The following PLCG2 variants were observed in gnomAD, a reference collection of about 807,000 sequenced individuals.
PLCG2 encodes 1-phosphatidylinositol 4,5-bisphosphate phosphodiesterase gamma-2.
A neutral mutation model predicts 175.6 loss-of-function variants in PLCG2; 69 were observed. The ratio of observed to expected loss-of-function variants is 0.39; its 90% confidence interval spans 0.32 to 0.48. PLCG2 has a LOEUF of 0.48. Ranked by LOEUF, PLCG2 falls within the 20% of genes least tolerant of loss-of-function variation. PLCG2 has a pLI of 0.91. For synonymous variants in PLCG2, 827 were observed against 624.0 expected (o/e 1.33, Z -4.85); for missense variants, 1,798 against 1,650.9 (o/e 1.09, Z -1.54).
chr16:81,847,239 G>A (rs979096055), intron 2 of PLCG2, among the ~76,000 whole-genome samples: 4 of 152,202 alleles, frequency 2.6e-5, no homozygotes, highest in African/African-American at 9.7e-5. Context: ...GAGATGCATA[G>A]GGCATAGGGT....
intron 2 of PLCG2, among the ~76,000 whole-genome samples, chr16:81,818,486 A>C (rs944257771): frequency 6.6e-6 from 1 of 152,100 alleles, no homozygotes; most frequent in Admixed American, 6.6e-5. Context: ...GCATGGGTGA[A>C]TGCCATTCTT....
chr16:81,941,563 A>AT lies in PLCG2; in HGVS notation c.3481+1519dup, dbSNP rs35288622. 7.0e-3 allele frequency among the ~76,000 whole-genome samples: 1,009 copies of AT among 144,638 alleles called. 4 individuals are homozygous for AT. The highest frequency in any genetic ancestry group is 0.01 in the Non-Finnish European group (673 of 65,592). 94.9% of individuals were successfully genotyped at this position (144,638 alleles called of 152,430 possible). ...TTTGGGAAAATGTTTAAAGTTTCTG[A>AT]TTTTTTTTTTTTTTTGTACTCTAGA... On this transcript the variant is annotated intron_variant, in intron 30 of 32. Transcript: ENST00000564138.
At chr16:81,865,479 C>T (rs1222299715) in intron 5 of PLCG2, among the ~76,000 whole-genome samples, 2 of 152,178 alleles carry the variant, frequency 1.3e-5, no homozygotes, top group Non-Finnish European at 2.9e-5. Context: ...AAGGGGAGGC[C>T]TTTGGACCAG....
intron 2 of PLCG2, among the ~76,000 whole-genome samples, chr16:81,803,826 C>T (rs377254323): frequency 2.0e-5 from 3 of 152,066 alleles, no homozygotes; most frequent in Non-Finnish European, 2.9e-5. Flanking sequence ...GGATTACAGG[C>T]GTGTACCACC....
intron 23 of PLCG2, among the ~76,000 whole-genome samples, chr16:81,927,956 A>G (rs1469953833): frequency 6.6e-6 from 1 of 152,122 alleles, no homozygotes; most frequent in Non-Finnish European, 1.5e-5. Context: ...TTACCTGTAC[A>G]TCAGCATTTA....
At chr16:81,893,005 C>CAGTTT (rs1195026511) in intron 11 of PLCG2, among the ~76,000 whole-genome samples, 2 of 151,424 alleles carry the variant, frequency 1.3e-5, no homozygotes, top group African/African-American at 4.8e-5. Flanking sequence ...CCACCATGCC[C>CAGTTT]TGTTTTGTTT....
At chr16:81,813,792 C>T (rs1484385914) in intron 2 of PLCG2, among the ~76,000 whole-genome samples, 1 of 152,184 alleles carries the variant, frequency 6.6e-6, no homozygotes, top group Non-Finnish European at 1.5e-5. Flanking sequence ...CTAGTTTGGG[C>T]TTCCTTACAG....
At chr16:81,869,556 C>G (rs1468654143) in intron 6 of PLCG2, among the ~76,000 whole-genome samples, 1 of 152,172 alleles carries the variant, frequency 6.6e-6, no homozygotes, top group East Asian at 1.9e-4. Flanking sequence ...GACCTGTTTT[C>G]CATTAGTCCA....
chr16:81,895,500 C>T, intron 12 of PLCG2: 1 of 274,894 alleles, frequency 3.6e-6, no homozygotes, highest in Non-Finnish European at 7.0e-6. Flanking sequence ...GCGGAGATTG[C>T]AATGGGCCGA....
At chr16:81,869,088 C>G (rs569403513) in intron 5 of PLCG2, 126 bp from the exon 6 acceptor site, 8 of 701,592 alleles carry the variant, frequency 1.1e-5, no homozygotes, top group Middle Eastern at 3.0e-4. Context: ...AGTTAGTGGT[C>G]CATAAATAAC....
chr16:81,796,839 A>G (rs889984244), intron 2 of PLCG2, among the ~76,000 whole-genome samples: 1 of 152,150 alleles, frequency 6.6e-6, no homozygotes, highest in South Asian at 2.1e-4. Context: ...GGTCTCCAGA[A>G]CTGTGAGACA....
At chr16:81,740,557 A>T (rs558981181) in intron 1 of PLCG2, 3 of 151,584 alleles carry the variant, frequency 2.0e-5, no homozygotes, top group East Asian at 3.9e-4. Flanking sequence ...CCTGGGTGAA[A>T]CCCCATCTCT....
intron 31 of PLCG2, among the ~76,000 whole-genome samples, chr16:81,955,152 T>A (rs892911486): frequency 6.6e-6 from 1 of 152,194 alleles, no homozygotes; most frequent in Non-Finnish European, 1.5e-5. Flanking sequence ...CTCTTCAACC[T>A]TTGCAAACAG....
chr16:81,960,240 A>T lies in PLCG2; in HGVS notation c.*2242A>T. 4.5e-6 allele frequency: 1 copy of T among 220,782 alleles called. No homozygotes were observed. The highest frequency in any genetic ancestry group is 9.1e-6 in the Non-Finnish European group (1 of 110,180). 13.7% of individuals were successfully genotyped at this position (220,782 alleles called of 1,614,324 possible). A position where few individuals can be genotyped will look rare whatever the true frequency, so the allele number is the denominator to read the frequency against. On this transcript the variant is annotated 3_prime_UTR_variant, in exon 33 of 33. Coordinates refer to ENST00000564138, the MANE Select transcript of PLCG2 (RefSeq NM_002661.5). ...AGGGACTGATTCTCTCAGGAAAGGC[A>T]CACATGGTATGATGGCTCTTCCCAG...
intron 5 of PLCG2, among the ~76,000 whole-genome samples, chr16:81,863,645 G>A (rs538037820): frequency 6.6e-6 from 1 of 152,338 alleles, no homozygotes; most frequent in East Asian, 1.9e-4. Context: ...TTGCCGGATT[G>A]CTATACTGTT....
At chr16:81,888,032 C>G (rs1428455478) in intron 9 of PLCG2, among the ~76,000 whole-genome samples, 1 of 105,242 alleles carries the variant, frequency 9.5e-6, no homozygotes, top group Non-Finnish European at 2.2e-5. Context: ...TTATTTGGAG[C>G]TGAGACTCTG....
In PLCG2 at chr16:81,869,224, C is replaced by T. The variant is rs1907393989; in HGVS notation, c.490C>T (p.Arg164Ter). Residue 164 changes from arginine (R) to a stop codon, truncating the protein, a stop_gained, in exon 6 of 33, where the codon CGA (arginine) becomes TGA (stop). Coordinates refer to ENST00000564138, the MANE Select transcript of PLCG2 (RefSeq NM_002661.5). LOFTEE classifies it high-confidence loss of function. ...DQTRRNSISL[R>*]ELKTILPLIN... ...CTCCCTCTTTTGCAGCATCAGTCTCCGAGAGTTGAAGACCATCTTGCCCCT... is the reference window on the plus strand; with the variant it reads ...CTCCCTCTTTTGCAGCATCAGTCTCTGAGAGTTGAAGACCATCTTGCCCCT... 6.2e-7 allele frequency: 1 copy of T among 1,613,700 alleles called. No individual in the cohort carries two copies. Among genetic ancestry groups the T allele is most frequent in the Non-Finnish European group, 8.5e-7 (1 of 1,179,596 alleles).
chr16:81,767,345 A>G (rs1025274828), intron 2 of PLCG2: 1 of 151,820 alleles, frequency 6.6e-6, no homozygotes, highest in African/African-American at 2.4e-5. Flanking sequence ...GGGTTTCACC[A>G]TGTTGGCCAG....
chr16:81,874,234 G>A (rs546920974), intron 7 of PLCG2, among the ~76,000 whole-genome samples: 2 of 152,172 alleles, frequency 1.3e-5, no homozygotes, highest in East Asian at 3.9e-4. Context: ...CTATAAATAG[G>A]GTCACATCTC....
Sources: allele counts gnomAD v4.1 joint callset (sites outside exome capture counted in the v4.1 genomes callset), GRCh38; gene constraint gnomAD v4.1.1; transcripts MANE v1.5; gene names NCBI Gene and HGNC (gene_info 2026-07-23, HGNC 2026-07-21).